Variants in LSAMP observed in about 807,000 individuals in gnomAD.
LSAMP encodes the protein limbic system associated membrane protein, also known as limbic system-associated membrane protein.
A neutral mutation model predicts 38.6 loss-of-function variants in LSAMP; 7 were observed. The observed-to-expected ratio is 0.18, with a 90% CI of 0.10 to 0.34. The LOEUF (loss-of-function observed/expected upper bound fraction) is 0.34, where lower values mean the gene tolerates loss of function less well. LSAMP is among the 10% of genes least tolerant of loss of function. The probability of loss-of-function intolerance (pLI) is 1.00; values close to 1 mark genes in which losing one functional copy is unlikely to be tolerated. For synonymous variants in LSAMP, 154 were observed against 166.8 expected (o/e 0.92, Z 0.59); for missense variants, 313 against 420.0 (o/e 0.75, Z 2.23).
intron 1 of LSAMP, among the ~76,000 whole-genome samples, chr3:116,371,974 A>G (rs2048436153): frequency 6.6e-6 from 1 of 152,098 alleles, no homozygotes; most frequent in Admixed American, 6.6e-5. Context: ...AAACTTAATA[A>G]TAAGAAAGAT....
At chr3:115,951,000 A>T (rs1381674864) in intron 3 of LSAMP, among the ~76,000 whole-genome samples, 1 of 152,196 alleles carries the variant, frequency 6.6e-6, no homozygotes, top group Non-Finnish European at 1.5e-5. Flanking sequence ...ACATTTGACA[A>T]AGCAAACAAA....
chr3:115,974,218 C>G (rs1169898841), intron 3 of LSAMP, among the ~76,000 whole-genome samples: 3 of 152,020 alleles, frequency 2.0e-5, no homozygotes, highest in Non-Finnish European at 4.4e-5. Flanking sequence ...ATGGCAGGCT[C>G]CTGTAATCCC....
At chr3:116,117,064 CACTAAGATTTGAGTAATTTT>C (rs1242397416) in intron 1 of LSAMP, among the ~76,000 whole-genome samples, 1 of 152,178 alleles carries the variant, frequency 6.6e-6, no homozygotes, top group Non-Finnish European at 1.5e-5. Context: ...TGTCTTAAGC[CACTAAGATTTGAGTAATTTT>C]TTATGCAGCA....
chr3:116,091,225 C>A (rs917599979), intron 1 of LSAMP, among the ~76,000 whole-genome samples: 2 of 152,216 alleles, frequency 1.3e-5, no homozygotes, highest in African/African-American at 2.4e-5. Flanking sequence ...CTCTGTTCTG[C>A]CCGGCTCACC....
chr3:116,393,398 T>G (rs1583183), intron 1 of LSAMP, among the ~76,000 whole-genome samples: 23,776 of 152,214 alleles, frequency 0.16, 2,184 homozygotes, highest in African/African-American at 0.25. Context: ...CAGTGCCCGT[T>G]ATGGCACCTG....
intron 4 of LSAMP, among the ~76,000 whole-genome samples, chr3:115,848,359 C>T (rs546498826): frequency 3.3e-5 from 5 of 152,224 alleles, no homozygotes; most frequent in African/African-American, 7.2e-5. Context: ...AGGAGGCAGA[C>T]GTTGCAGTTA....
chr3:115,945,689 G>A (rs539330966), intron 3 of LSAMP, among the ~76,000 whole-genome samples: 17 of 152,004 alleles, frequency 1.1e-4, no homozygotes, highest in Non-Finnish European at 2.1e-4. Context: ...TAATGTGACT[G>A]GAAACTGAAG....
chr3:116,162,639 G>A (rs1043614567), intron 1 of LSAMP, among the ~76,000 whole-genome samples: 31 of 150,590 alleles, frequency 2.1e-4, no homozygotes, highest in Admixed American at 1.1e-3. Context: ...GAGTGTGTGT[G>A]TACATTATAT....
At chr3:116,329,217 C>T (rs1177057005) in intron 1 of LSAMP, among the ~76,000 whole-genome samples, 1 of 152,140 alleles carries the variant, frequency 6.6e-6, no homozygotes, top group Non-Finnish European at 1.5e-5. Flanking sequence ...ATCCTTACAA[C>T]AGCCCAGTGA....
At chr3:116,250,616 C>CTT (rs1286021088) in intron 1 of LSAMP, among the ~76,000 whole-genome samples, 1 of 151,354 alleles carries the variant, frequency 6.6e-6, no homozygotes, top group Admixed American at 6.6e-5. Flanking sequence ...AATCCCAGCA[C>CTT]TTAGGGAGGC....
At chr3:116,265,606 C>T (rs1370433579) in intron 1 of LSAMP, among the ~76,000 whole-genome samples, 5 of 152,136 alleles carry the variant, frequency 3.3e-5, no homozygotes, top group Admixed American at 3.3e-4. Flanking sequence ...TTCCCCAACG[C>T]CTTGTCTCAC....
At chr3:116,417,417 G>A (rs1275663163) in intron 1 of LSAMP, among the ~76,000 whole-genome samples, 1 of 152,204 alleles carries the variant, frequency 6.6e-6, no homozygotes, top group Non-Finnish European at 1.5e-5. Context: ...TGAGAGAAGA[G>A]ATTAATCAAT....
At chr3:116,338,938 C>A (rs2047955906) in intron 1 of LSAMP, among the ~76,000 whole-genome samples, 1 of 152,032 alleles carries the variant, frequency 6.6e-6, no homozygotes, top group African/African-American at 2.4e-5. Flanking sequence ...CAACCAACAG[C>A]TTTAAGCTGG....
intron 3 of LSAMP, among the ~76,000 whole-genome samples, chr3:115,912,750 T>G (rs1937162833): frequency 1.3e-5 from 2 of 152,204 alleles, no homozygotes; most frequent in African/African-American, 4.8e-5. Context: ...TTCTGCCTCT[T>G]TTTTGGTCTT....
At chr3:116,260,961 G>T (rs924092469) in intron 1 of LSAMP, among the ~76,000 whole-genome samples, 1 of 152,078 alleles carries the variant, frequency 6.6e-6, no homozygotes, top group African/African-American at 2.4e-5. Flanking sequence ...TAACATTCTG[G>T]GCATGTAAAA....
chr3:115,890,219 T>C (rs997056320), intron 3 of LSAMP, among the ~76,000 whole-genome samples: 3 of 151,970 alleles, frequency 2.0e-5, no homozygotes, highest in African/African-American at 4.8e-5. Context: ...ACAATGTTAA[T>C]GTGATCTCTC....
chr3:116,365,846 C>G (rs2048343602), intron 1 of LSAMP, among the ~76,000 whole-genome samples: 1 of 82,152 alleles, frequency 1.2e-5, no homozygotes, highest in Admixed American at 1.4e-4. Context: ...GGGAATATCA[C>G]ACTCTGGGGA....
intron 6 of LSAMP, among the ~76,000 whole-genome samples, chr3:115,827,466 T>G (rs534319075): frequency 6.6e-6 from 1 of 152,198 alleles, no homozygotes; most frequent in Non-Finnish European, 1.5e-5. Flanking sequence ...GAATCTTTAT[T>G]GCGAGTATGG....
intron 1 of LSAMP, among the ~76,000 whole-genome samples, chr3:116,244,976 T>C (rs6766788): frequency 0.99 from 150,308 of 152,294 alleles, 74,216 homozygotes; most frequent in Middle Eastern, 1. Context: ...CATCAGATCA[T>C]ATCATCATAG....
Sources: allele counts gnomAD v4.1 joint callset (sites outside exome capture counted in the v4.1 genomes callset), GRCh38; gene constraint gnomAD v4.1.1; transcripts MANE v1.5; gene names NCBI Gene and HGNC (gene_info 2026-07-23, HGNC 2026-07-21).